BTBD9: variants seen among roughly 807,000 people sequenced by gnomAD.
BTBD9 encodes BTB/POZ domain-containing protein 9.
A neutral mutation model predicts 64.3 loss-of-function variants in BTBD9; 49 were observed. The ratio of observed to expected loss-of-function variants is 0.76; its 90% CI spans 0.61 to 0.97. The LOEUF (loss-of-function observed/expected upper bound fraction) is 0.97, where lower values mean the gene tolerates loss of function less well. Ranked by LOEUF, BTBD9 falls within the 50% of genes least tolerant of loss-of-function variation. The probability of loss-of-function intolerance (pLI) is 0.00; values close to 1 mark genes in which losing one functional copy is unlikely to be tolerated. For synonymous variants in BTBD9, 260 were observed against 274.7 expected, an observed-to-expected ratio of 0.95 and a Z score of 0.53; for missense variants, 598 against 762.1, an observed-to-expected ratio of 0.78 and a Z score of 2.53.
At chr6:38,364,147 C>T (rs1222256325) in intron 6 of BTBD9, among the ~76,000 whole-genome samples, 1 of 152,124 alleles carries the variant, frequency 6.6e-6, no homozygotes, top group Non-Finnish European at 1.5e-5. Flanking sequence ...AAAAAAATCA[C>T]ATTCATTGGT....
intron 8 of BTBD9, 80 bp from the exon 9 acceptor site, chr6:38,256,596 C>T (rs774117092): frequency 3.2e-5 from 30 of 944,586 alleles, no homozygotes; most frequent in Non-Finnish European, 4.9e-5. Flanking sequence ...ATCCCTCCCA[C>T]CCACCTCCTT....
chr6:38,181,008 A>G (rs555239925), intron 10 of BTBD9, among the ~76,000 whole-genome samples: 1 of 152,300 alleles, frequency 6.6e-6, no homozygotes, highest in South Asian at 2.1e-4. Context: ...TGAATCCTGG[A>G]CAGGATGTAC....
chr6:38,617,258 A>G lies in BTBD9; in HGVS notation c.-27-19137T>C, dbSNP rs535703210. Among the ~76,000 whole-genome samples the G allele has an allele frequency of 4.6e-5, 7 of 152,182 alleles. No individual in the cohort carries two copies. The South Asian group carries it at 1.5e-3, about 32-fold the overall frequency. The stretch of plus-strand genomic sequence containing the variant: ...GAGAGGAAAGCCATTCGGCTCCAAA[A>G]AGTTGGTTGACCCTGCAGCCATGAG... On this transcript the variant is annotated intron_variant, in intron 1 of 10. Coordinates refer to ENST00000481247, the MANE Select transcript of BTBD9 (RefSeq NM_001099272.2).
intron 6 of BTBD9, among the ~76,000 whole-genome samples, chr6:38,556,329 T>C (rs923378237): frequency 1.3e-5 from 2 of 152,184 alleles, no homozygotes; most frequent in African/African-American, 4.8e-5. Context: ...TCTGGCACCA[T>C]TCACTAACTA....
At chr6:38,601,052 AC>A (rs1241695465) in intron 1 of BTBD9, among the ~76,000 whole-genome samples, 1 of 151,992 alleles carries the variant, frequency 6.6e-6, no homozygotes, top group African/African-American at 2.4e-5. Flanking sequence ...CTTAAAAACA[AC>A]AAAAAAAAAG....
intron 6 of BTBD9, among the ~76,000 whole-genome samples, chr6:38,408,961 A>T (rs1205188556): frequency 6.6e-6 from 1 of 152,160 alleles, no homozygotes; most frequent in African/African-American, 2.4e-5. Context: ...AAAGAGAAAT[A>T]ATTGGTGGAC....
intron 6 of BTBD9, among the ~76,000 whole-genome samples, chr6:38,484,810 C>T (rs576544066): frequency 2.0e-5 from 3 of 152,296 alleles, no homozygotes; most frequent in African/African-American, 7.2e-5. Context: ...TGAGTCATAA[C>T]CTTTTTGCTG....
At chr6:38,333,176 T>C (rs1015378197) in intron 7 of BTBD9, among the ~76,000 whole-genome samples, 1 of 152,144 alleles carries the variant, frequency 6.6e-6, no homozygotes, top group Non-Finnish European at 1.5e-5. Flanking sequence ...CCTGCTTCTA[T>C]CATATCCTTT....
intron 6 of BTBD9, among the ~76,000 whole-genome samples, chr6:38,508,395 C>A (rs1000579379): frequency 6.6e-6 from 1 of 152,040 alleles, no homozygotes; most frequent in Admixed American, 6.6e-5. Flanking sequence ...CAAATAGACA[C>A]ATTTATTTTT....
At chr6:38,207,978 A>G (rs1762714021) in intron 9 of BTBD9, among the ~76,000 whole-genome samples, 1 of 152,128 alleles carries the variant, frequency 6.6e-6, no homozygotes, top group South Asian at 2.1e-4. Flanking sequence ...TATAACTTTG[A>G]TAATTTTTTT....
At chr6:38,321,533 A>G (rs991552005) in intron 7 of BTBD9, among the ~76,000 whole-genome samples, 3 of 152,198 alleles carry the variant, frequency 2.0e-5, no homozygotes, top group Non-Finnish European at 2.9e-5. Context: ...ACAGCAAACC[A>G]CCCTTAACAT....
chr6:38,618,593 G>A (rs914403094), intron 1 of BTBD9, among the ~76,000 whole-genome samples: 7 of 152,042 alleles, frequency 4.6e-5, no homozygotes, highest in East Asian at 1.9e-4. Flanking sequence ...CCAGGCTATC[G>A]GTTATGTCCC....
intron 6 of BTBD9, among the ~76,000 whole-genome samples, chr6:38,461,593 T>C (rs573237842): frequency 7.2e-5 from 11 of 152,348 alleles, no homozygotes; most frequent in East Asian, 5.8e-4. Context: ...GGTTCCAGTT[T>C]TGCATATTAA....
intron 7 of BTBD9, among the ~76,000 whole-genome samples, chr6:38,321,705 C>T (rs891091977): frequency 2.0e-5 from 3 of 151,962 alleles, no homozygotes; most frequent in African/African-American, 4.8e-5. Flanking sequence ...CTTTTCATAC[C>T]ACCATGACTC....
At chr6:38,487,611 G>C (rs1482106900) in intron 6 of BTBD9, among the ~76,000 whole-genome samples, 1 of 150,006 alleles carries the variant, frequency 6.7e-6, no homozygotes, top group Non-Finnish European at 1.5e-5. Context: ...GAGAGAGAGA[G>C]AGAGAGAGAG....
chr6:38,483,228 G>A (rs1353875543), intron 6 of BTBD9, among the ~76,000 whole-genome samples: 1 of 151,516 alleles, frequency 6.6e-6, no homozygotes, highest in East Asian at 1.9e-4. Context: ...CTTCTCCCTT[G>A]ACTCCACTGA....
At chr6:38,259,683 C>T (rs1018124307) in intron 8 of BTBD9, among the ~76,000 whole-genome samples, 1 of 152,212 alleles carries the variant, frequency 6.6e-6, no homozygotes, top group African/African-American at 2.4e-5. Context: ...TCCTAAAGGG[C>T]TCGCCTTCCC....
chr6:38,222,949 C>T (rs1039913590), intron 9 of BTBD9, among the ~76,000 whole-genome samples: 2 of 152,090 alleles, frequency 1.3e-5, no homozygotes, highest in Non-Finnish European at 2.9e-5. Context: ...TCTTGTTGCC[C>T]ATGCTGGAGT....
chr6:38,185,553 C>G (rs1382401652), intron 10 of BTBD9, among the ~76,000 whole-genome samples: 3 of 152,082 alleles, frequency 2.0e-5, no homozygotes, highest in African/African-American at 7.3e-5. Context: ...TGATCTCGTA[C>G]AAATTAGTTA....
Sources: allele counts gnomAD v4.1 joint callset (sites outside exome capture counted in the v4.1 genomes callset), GRCh38; gene constraint gnomAD v4.1.1; transcripts MANE v1.5; gene names NCBI Gene and HGNC (gene_info 2026-07-23, HGNC 2026-07-21).